The following GNPAT variants were observed in gnomAD, a reference collection of about 807,000 sequenced individuals.
GNPAT encodes the protein glyceronephosphate O-acyltransferase, also known as dihydroxyacetone phosphate acyltransferase.
GNPAT carries 30 observed loss-of-function variants against 78.4 expected under a neutral mutation model. The observed-to-expected ratio is 0.38, with a 90% confidence interval of 0.29 to 0.52. The LOEUF (loss-of-function observed/expected upper bound fraction) is 0.52, where lower values mean the gene tolerates loss of function less well. GNPAT is among the 20% of genes least tolerant of loss of function. The probability of loss-of-function intolerance (pLI) is 0.84; values close to 1 mark genes in which losing one functional copy is unlikely to be tolerated. For missense variants in GNPAT, 714 were observed against 812.2 expected, an observed-to-expected ratio of 0.88 and a Z score of 1.47; for synonymous variants, 271 against 281.1, an observed-to-expected ratio of 0.96 and a Z score of 0.36.
chr1:231,273,377 A>G (rs1454371590), intron 11 of GNPAT, among the ~76,000 whole-genome samples: 2 of 148,928 alleles, frequency 1.3e-5, no homozygotes, highest in Non-Finnish European at 3.0e-5. Flanking sequence ...TCAGCCTCCC[A>G]AGTAGCAGGG....
intron 3 of GNPAT, among the ~76,000 whole-genome samples, chr1:231,262,289 T>G (rs1685241981): frequency 2.0e-5 from 3 of 152,210 alleles, no homozygotes; most frequent in South Asian, 4.1e-4. Context: ...GGTTAACAGT[T>G]GGCTTTTTAA....
At chr1:231,258,597 TTTATG>T (rs942611819) in intron 2 of GNPAT, among the ~76,000 whole-genome samples, 7 of 151,778 alleles carry the variant, frequency 4.6e-5, no homozygotes, top group Admixed American at 6.6e-5. Context: ...AATGGCATAT[TTTATG>T]TTATGTGTAT....
At chr1:231,252,484 T>G (rs1210854169) in intron 2 of GNPAT, among the ~76,000 whole-genome samples, 1 of 152,212 alleles carries the variant, frequency 6.6e-6, no homozygotes, top group Admixed American at 6.5e-5. Flanking sequence ...GGTGCTTGTA[T>G]GGTCATAGGC....
At chr1:231,248,569 A>G (rs1178450209) in intron 1 of GNPAT, among the ~76,000 whole-genome samples, 1 of 141,114 alleles carries the variant, frequency 7.1e-6, no homozygotes, top group Non-Finnish European at 1.5e-5. Flanking sequence ...TCTCTATTGA[A>G]AAAAAAAAAA....
intron 3 of GNPAT, among the ~76,000 whole-genome samples, chr1:231,262,264 C>T (rs924927445): frequency 6.6e-6 from 1 of 152,142 alleles, no homozygotes; most frequent in Non-Finnish European, 1.5e-5. Flanking sequence ...CTACAACCAA[C>T]CAATTCAATA....
intron 1 of GNPAT, among the ~76,000 whole-genome samples, chr1:231,249,267 A>G (rs754957672): frequency 1.2e-4 from 19 of 152,248 alleles, no homozygotes; most frequent in Non-Finnish European, 2.5e-4. Flanking sequence ...GAACTCCAAC[A>G]GTGAAAAGAC....
At chr1:231,243,310 TTTTTTGTTTTTG>T (rs200975445) in intron 1 of GNPAT, among the ~76,000 whole-genome samples, 3 of 152,126 alleles carry the variant, frequency 2.0e-5, no homozygotes, top group Admixed American at 6.6e-5. Flanking sequence ...CTGATCTTCC[TTTTTTGTTTTTG>T]TTTTTGTTTT....
In GNPAT at chr1:231,272,930, G is replaced by A. The variant is rs1162065636; in HGVS notation, c.1602+539G>A. On this transcript the variant is annotated intron_variant, in intron 11 of 15. Coordinates refer to ENST00000366647, the MANE Select transcript of GNPAT (RefSeq NM_014236.4). ...GTGGAGGTTGCTGTGAGCCAAGATTGTGCCACTGCACTCCAGCCTGGTGAC... is the reference window on the plus strand; with the variant it reads ...GTGGAGGTTGCTGTGAGCCAAGATTATGCCACTGCACTCCAGCCTGGTGAC... Among the ~76,000 whole-genome samples the A allele has an allele frequency of 5.3e-5, 8 of 152,242 alleles. No individual in the cohort carries two copies. The East Asian group carries it at 1.2e-3, about 22-fold the overall frequency.
chr1:231,244,478 C>G (rs1684696019), intron 1 of GNPAT, among the ~76,000 whole-genome samples: 1 of 152,156 alleles, frequency 6.6e-6, no homozygotes. Context: ...CTGAAGTTCA[C>G]TGTTGGGTTT....
intron 1 of GNPAT, among the ~76,000 whole-genome samples, chr1:231,248,588 G>A (rs1031310868): frequency 1.3e-5 from 2 of 151,404 alleles, no homozygotes; most frequent in African/African-American, 4.9e-5. Flanking sequence ...AAACTTAAAT[G>A]TAAAAATCCT....
At position 231,241,340 on chromosome 1, in the gene GNPAT, C is replaced by G; in HGVS notation, c.-39C>G. 2 of 1,556,168 alleles carry G rather than the reference C, an allele frequency of 1.3e-6. No individual in the cohort carries two copies. The highest frequency in any genetic ancestry group is 2.2e-5 in the South Asian group (2 of 89,944). ...CAGCAGGAGCACCACCACGGCTTAG[C>G]AAAGAATCCCAGACCCCGCCCGGGA... is the stretch of plus-strand genomic sequence containing the variant. On this transcript the variant is annotated 5_prime_UTR_variant, in exon 1 of 16. Coordinates refer to ENST00000366647, the MANE Select transcript of GNPAT (RefSeq NM_014236.4).
chr1:231,260,256 T>G (rs1373167926), intron 2 of GNPAT, among the ~76,000 whole-genome samples: 3 of 152,188 alleles, frequency 2.0e-5, no homozygotes, highest in African/African-American at 7.2e-5. Flanking sequence ...AATGGAAAGG[T>G]GAAGTGTTTT....
chr1:231,275,706 G>A (rs1685692605), intron 14 of GNPAT, among the ~76,000 whole-genome samples: 1 of 152,160 alleles, frequency 6.6e-6, no homozygotes, highest in Non-Finnish European at 1.5e-5. Flanking sequence ...AGCAAAGAAA[G>A]GAAGAAATAA....
At chr1:231,272,049 A>C (rs1200374822) in intron 10 of GNPAT, among the ~76,000 whole-genome samples, 1 of 152,192 alleles carries the variant, frequency 6.6e-6, no homozygotes, top group East Asian at 1.9e-4. Flanking sequence ...GCAGTGAGCC[A>C]AGATTGCACC....
chr1:231,250,930 T>C, intron 1 of GNPAT, 31 bp from the exon 2 acceptor site: 1 of 1,400,198 alleles, frequency 7.1e-7, no homozygotes, highest in South Asian at 1.2e-5. Context: ...TTTTACAGTA[T>C]GTGCTCATTA....
chr1:231,267,843 G>A lies in GNPAT; in HGVS notation c.1219G>A (p.Glu407Lys). Residue 407 changes from glutamate (E) to lysine (K), a missense_variant, in exon 9 of 16, where the codon GAA becomes AAA. Glu to Lys is a moderately conservative substitution (Grantham distance 56, BLOSUM62 1). Transcript: ENST00000366647. Reference protein sequence around the residue: ...RPSMDFDALVEKTLWLKGLTQ... With the variant: ...RPSMDFDALVKKTLWLKGLTQ... The stretch of plus-strand genomic sequence containing the variant: ...ATCCATGGACTTTGATGCTCTGGTG[G>A]AAAAGACTTTATGGCTAAAAGGCTT... 6.2e-7 allele frequency: 1 copy of A among 1,614,056 alleles called. No individual in the cohort carries two copies. The highest frequency in any genetic ancestry group is 2.2e-5 in the East Asian group (1 of 44,886).
intron 4 of GNPAT, among the ~76,000 whole-genome samples, chr1:231,264,321 C>T (rs1685312094): frequency 6.6e-6 from 1 of 152,084 alleles, no homozygotes; most frequent in Non-Finnish European, 1.5e-5. Flanking sequence ...ATTTTAATAG[C>T]CATATAATAT....
intron 4 of GNPAT, 122 bp downstream of exon 4, chr1:231,262,974 T>TATCC: frequency 1.3e-6 from 1 of 750,144 alleles, no homozygotes; most frequent in Non-Finnish European, 2.3e-6. Context: ...CTTCCAGTCC[T>TATCC]AGCACTGAAT....
chr1:231,241,253 G>T lies in GNPAT; in HGVS notation c.-126G>T, dbSNP rs1453554000. The T allele has an allele frequency of 1.7e-5, 24 of 1,435,034 alleles. No individual in the cohort carries two copies. The South Asian group carries it at 2.4e-4, about 14-fold the overall frequency. The allele number at this position is 1,435,034 out of a possible 1,614,324, so 88.9% of individuals were successfully genotyped here. On this transcript the variant is annotated 5_prime_UTR_variant, in exon 1 of 16. Coordinates refer to ENST00000366647, the MANE Select transcript of GNPAT (RefSeq NM_014236.4). ...GGCGGCGCCCGGGATCCTGTGTAGC[G>T]GCTGCAGAGGGTGCCGCCGCCCTAG... is the stretch of plus-strand genomic sequence containing the variant.
Sources: allele counts gnomAD v4.1 joint callset (sites outside exome capture counted in the v4.1 genomes callset), GRCh38; gene constraint gnomAD v4.1.1; transcripts MANE v1.5; gene names NCBI Gene and HGNC (gene_info 2026-07-23, HGNC 2026-07-21).